The following GFRA2 variants were observed in gnomAD, a reference collection of about 807,000 sequenced individuals.
GFRA2 encodes GDNF family receptor alpha 2, also known as GDNF family receptor alpha-2.
A neutral mutation model predicts 48.3 loss-of-function variants in GFRA2; 17 were observed. That is an observed-to-expected ratio of 0.35 (90% CI 0.24 to 0.53). The LOEUF is 0.53. Ranked by LOEUF, GFRA2 falls within the 20% of genes least tolerant of loss-of-function variation. GFRA2 has a pLI of 0.93. For synonymous variants in GFRA2, 305 were observed against 257.2 expected, an observed-to-expected ratio of 1.19 and a Z score of -1.78; for missense variants, 660 against 637.3, an observed-to-expected ratio of 1.04 and a Z score of -0.38.
chr8:21,728,425 C>G (rs1212863169), intron 4 of GFRA2, among the ~76,000 whole-genome samples: 2 of 151,952 alleles, frequency 1.3e-5, no homozygotes, highest in Admixed American at 1.3e-4. Context: ...CAGGCACATA[C>G]CACCACACCC....
At chr8:21,766,503 T>C (rs535484872) in intron 3 of GFRA2, among the ~76,000 whole-genome samples, 2 of 151,884 alleles carry the variant, frequency 1.3e-5, no homozygotes, top group East Asian at 3.9e-4. Context: ...CCTCTGAGCC[T>C]AAGCTCCCCG....
At chr8:21,764,370 A>G (rs920036711) in intron 3 of GFRA2, among the ~76,000 whole-genome samples, 3 of 152,116 alleles carry the variant, frequency 2.0e-5, no homozygotes, top group African/African-American at 4.8e-5. Context: ...CTCCACTCTC[A>G]TGTCCTAATC....
chr8:21,787,128 G>A (rs1170970002), intron 1 of GFRA2, among the ~76,000 whole-genome samples: 8 of 152,196 alleles, frequency 5.3e-5, no homozygotes, highest in African/African-American at 1.7e-4. Context: ...CCTCCCTCCG[G>A]AGATTGCCAT....
Position 21,782,736 on chromosome 8 carries a change from G to A in GFRA2, c.204C>T (p.Asp68=). 1.9e-6 allele frequency: 3 copies of A among 1,597,394 alleles called. No individual in the cohort carries two copies. Among genetic ancestry groups the A allele is most frequent in the Non-Finnish European group, 2.6e-6 (3 of 1,172,914 alleles). ...RTLRQCLAGR[D]RNTMLANKEC... ...CCTTGTTGGCCAGCATGGTGTTGCGGTCGCGGCCTGCCAGGCACTGCCGCA... is the reference window on the plus strand; with the variant it reads ...CCTTGTTGGCCAGCATGGTGTTGCGATCGCGGCCTGCCAGGCACTGCCGCA... The change falls in exon 2 of 9, where the codon GAC becomes GAT. Residue 68 remains aspartate (D), a synonymous_variant. Coordinates refer to ENST00000524240, the MANE Select transcript of GFRA2 (RefSeq NM_001495.5).
At chr8:21,769,417 G>A (rs1186465663) in intron 3 of GFRA2, among the ~76,000 whole-genome samples, 3 of 152,172 alleles carry the variant, frequency 2.0e-5, no homozygotes, top group Admixed American at 6.5e-5. Flanking sequence ...GTCAGCGAAC[G>A]GTGATACCCT....
chr8:21,754,379 A>T (rs1466232661), intron 3 of GFRA2, among the ~76,000 whole-genome samples: 5 of 152,222 alleles, frequency 3.3e-5, no homozygotes. Context: ...AATGGTACAG[A>T]GTAGGCAACA....
intron 1 of GFRA2, among the ~76,000 whole-genome samples, chr8:21,787,273 A>AGGGG (rs1585344097): frequency 0.018 from 923 of 50,804 alleles, 5 homozygotes; most frequent in African/African-American, 0.028. Context: ...CGGGGGGGGC[A>AGGGG]GTGGGGGGGG....
At chr8:21,748,217 C>T (rs1191431682) in intron 4 of GFRA2, among the ~76,000 whole-genome samples, 3 of 152,138 alleles carry the variant, frequency 2.0e-5, no homozygotes, top group African/African-American at 7.2e-5. Flanking sequence ...CAAGTGCCCC[C>T]TATGTGTTGC....
Position 21,788,433 on chromosome 8 carries a change from AAGCCAAC to A in GFRA2, c.-281_-275del. 1.6e-6 allele frequency: 2 copies of A among 1,226,172 alleles called. No individual in the cohort carries two copies. Among genetic ancestry groups the A allele is most frequent in the Non-Finnish European group, 2.0e-6 (2 of 982,434 alleles). 76.0% of individuals were successfully genotyped at this position (1,226,172 alleles called of 1,614,324 possible). A position where few individuals can be genotyped will look rare whatever the true frequency, so the allele number is the denominator to read the frequency against. On this transcript the variant is annotated 5_prime_UTR_variant, in exon 1 of 9. Coordinates refer to ENST00000524240, the MANE Select transcript of GFRA2 (RefSeq NM_001495.5). ...ACGCGTATCTGTGTATCGGCTTTCTAAGCCAACAGCCCAGTCCTGGGGTCAGCCCTCC... is the reference window on the plus strand; with the variant it reads ...ACGCGTATCTGTGTATCGGCTTTCTAAGCCCAGTCCTGGGGTCAGCCCTCC...
chr8:21,788,002 A>T, intron 1 of GFRA2, 118 bp downstream of exon 1: 1 of 566,910 alleles, frequency 1.8e-6, no homozygotes, highest in Non-Finnish European at 2.9e-6. Flanking sequence ...GGGCCCGGCT[A>T]GCTCCGCGGC....
intron 7 of GFRA2, among the ~76,000 whole-genome samples, chr8:21,700,550 A>G (rs1201445755): frequency 6.6e-6 from 1 of 152,174 alleles, no homozygotes; most frequent in Admixed American, 6.5e-5. Flanking sequence ...GCCAGGAGGC[A>G]GGGTTGCTGG....
At chr8:21,729,905 G>A (rs907450080) in intron 4 of GFRA2, among the ~76,000 whole-genome samples, 13 of 152,198 alleles carry the variant, frequency 8.5e-5, no homozygotes, top group East Asian at 1.9e-4. Flanking sequence ...ATACTAAACC[G>A]AACAGCTGGT....
At chr8:21,794,233 C>CTTTTTTTT (rs1159236794) in intron 2 of GFRA2, among the ~76,000 whole-genome samples, 5 of 66,958 alleles carry the variant, frequency 7.5e-5, no homozygotes, top group East Asian at 4.0e-4. Flanking sequence ...CTGAGAGTGA[C>CTTTTTTTT]TTTTTTTTTT....
chr8:21,796,806 G>C (rs1807685122), intron 2 of GFRA2, among the ~76,000 whole-genome samples: 1 of 152,210 alleles, frequency 6.6e-6, no homozygotes, highest in Admixed American at 6.5e-5. Context: ...AGAATGAATT[G>C]CTAATGGTAG....
chr8:21,781,606 C>T (rs1362949879), intron 2 of GFRA2, among the ~76,000 whole-genome samples: 1 of 152,130 alleles, frequency 6.6e-6, no homozygotes, highest in Non-Finnish European at 1.5e-5. Flanking sequence ...TGTCTTCCCT[C>T]TCACAGCACT....
intron 3 of GFRA2, among the ~76,000 whole-genome samples, chr8:21,758,669 A>G (rs1394617004): frequency 6.6e-6 from 1 of 152,122 alleles, no homozygotes; most frequent in Non-Finnish European, 1.5e-5. Context: ...CTTTACCTGA[A>G]TGATGACGGG....
At chr8:21,722,101 C>T (rs1193348269) in intron 4 of GFRA2, among the ~76,000 whole-genome samples, 1 of 152,186 alleles carries the variant, frequency 6.6e-6, no homozygotes, top group Non-Finnish European at 1.5e-5. Flanking sequence ...GGATGTGAGG[C>T]TGGGGGTAAC....
At chr8:21,695,558 G>A (rs868450599) in intron 7 of GFRA2, among the ~76,000 whole-genome samples, 1 of 152,134 alleles carries the variant, frequency 6.6e-6, no homozygotes, top group South Asian at 2.1e-4. Context: ...ATAGGACCAC[G>A]GTGATGATTA....
intron 4 of GFRA2, among the ~76,000 whole-genome samples, chr8:21,724,228 G>T (rs950847407): frequency 9.2e-5 from 14 of 151,978 alleles, no homozygotes; most frequent in African/African-American, 1.9e-4. Context: ...ATGGTCTTGT[G>T]TGGGGGGCCT....
Sources: gnomAD v4.1 joint callset for allele counts (sites outside exome capture counted in the v4.1 genomes callset) on GRCh38, gnomAD v4.1.1 for gene constraint, MANE v1.5 for transcripts, NCBI Gene and HGNC (gene_info 2026-07-23, HGNC 2026-07-21) for gene names.